RIPOR2: variants seen among roughly 807,000 people sequenced by gnomAD.
The protein encoded by RIPOR2 is rho family-interacting cell polarization regulator 2.
A neutral mutation model predicts 114.5 loss-of-function variants in RIPOR2; 39 were observed. The ratio of observed to expected loss-of-function variants is 0.34; its 90% CI spans 0.26 to 0.44. RIPOR2 has a LOEUF of 0.44. Among genes scored for constraint, RIPOR2 ranks in the 20% least tolerant of loss-of-function variants. The probability of loss-of-function intolerance (pLI) is 1.00; values close to 1 mark genes in which losing one functional copy is unlikely to be tolerated. For synonymous variants in RIPOR2, 445 were observed against 484.4 expected (o/e 0.92, Z 1.07); for missense variants, 1,007 against 1,255.1 (o/e 0.80, Z 2.99).
At chr6:25,018,771 C>T (rs1019161042) in intron 1 of RIPOR2, among the ~76,000 whole-genome samples, 8 of 152,126 alleles carry the variant, frequency 5.3e-5, no homozygotes, top group Non-Finnish European at 1.0e-4. Context: ...TCCTGAAGCA[C>T]GTGCCTAGCT....
chr6:24,846,409 TG>T (rs1288328157), intron 12 of RIPOR2, among the ~76,000 whole-genome samples: 1 of 149,654 alleles, frequency 6.7e-6, no homozygotes, highest in Non-Finnish European at 1.5e-5. Flanking sequence ...TGGGCTTCAG[TG>T]ATCTCCTGCT....
intron 1 of RIPOR2, among the ~76,000 whole-genome samples, chr6:24,962,491 A>G (rs1773350141): frequency 6.6e-6 from 1 of 152,208 alleles, no homozygotes; most frequent in Non-Finnish European, 1.5e-5. Context: ...AAAAGACACT[A>G]CTATGAGAAG....
chr6:24,868,011 T>C (rs1164263427), intron 6 of RIPOR2, among the ~76,000 whole-genome samples: 1 of 152,220 alleles, frequency 6.6e-6, no homozygotes, highest in Non-Finnish European at 1.5e-5. Flanking sequence ...TAAACAATAA[T>C]ATGTCAAAGC....
intron 13 of RIPOR2, among the ~76,000 whole-genome samples, chr6:24,842,413 G>A (rs564842386): frequency 9.2e-5 from 14 of 152,282 alleles, no homozygotes; most frequent in Admixed American, 5.2e-4. Flanking sequence ...TGGACCAATT[G>A]TGAGAGCAGG....
chr6:24,869,038 T>C, intron 6 of RIPOR2, 56 bp downstream of exon 6: 1 of 1,016,282 alleles, frequency 9.8e-7, no homozygotes, highest in Non-Finnish European at 1.5e-6. Context: ...CCCAAAGGTG[T>C]ATTTGATTAG....
rs765514585 is a variant in RIPOR2 at position 24,848,118 on chromosome 6, G to A, written c.1071C>T (p.Gly357=). 1.3e-5 allele frequency: 21 copies of A among 1,613,726 alleles called. No individual in the cohort carries two copies. The highest frequency in any genetic ancestry group is 8.3e-5 in the Admixed American group (5 of 59,982). Residue 357 remains glycine (G), a synonymous_variant, in exon 12 of 22, where the codon GGC becomes GGT. Transcript: ENST00000643898. ...FDVEDMTASS[G]AGNKAAALQR... ...GAAGGGCTGCTGCCTTGTTCCCAGCGCCTGAGGATGCGGTCATGTCCTCCA... is the reference window on the plus strand; with the variant it reads ...GAAGGGCTGCTGCCTTGTTCCCAGCACCTGAGGATGCGGTCATGTCCTCCA...
intron 1 of RIPOR2, among the ~76,000 whole-genome samples, chr6:24,966,763 C>T (rs941477190): frequency 3.9e-5 from 6 of 152,170 alleles, no homozygotes; most frequent in Admixed American, 3.9e-4. Context: ...AGAATAAGGA[C>T]AGGTGATGAG....
At chr6:25,006,788 G>C (rs1431603661) in intron 1 of RIPOR2, among the ~76,000 whole-genome samples, 1 of 152,242 alleles carries the variant, frequency 6.6e-6, no homozygotes, top group Non-Finnish European at 1.5e-5. Context: ...GCCAAATATA[G>C]CACAGCTATA....
intron 1 of RIPOR2, among the ~76,000 whole-genome samples, chr6:24,995,896 G>A (rs948720895): frequency 4.0e-5 from 6 of 149,122 alleles, no homozygotes; most frequent in Non-Finnish European, 7.4e-5. Flanking sequence ...TCCGCCTCCC[G>A]GGTTCATGCC....
intron 11 of RIPOR2, among the ~76,000 whole-genome samples, chr6:24,848,420 T>A (rs772471422): frequency 6.6e-6 from 1 of 152,200 alleles, no homozygotes; most frequent in Non-Finnish European, 1.5e-5. Context: ...GATACACCCG[T>A]TCCTCATTAA....
At chr6:25,016,049 A>G (rs1382530419) in intron 1 of RIPOR2, among the ~76,000 whole-genome samples, 1 of 151,524 alleles carries the variant, frequency 6.6e-6, no homozygotes, top group Non-Finnish European at 1.5e-5. Context: ...GACTACAGGC[A>G]GGCGCCATCA....
At position 24,804,565 on chromosome 6, in the gene RIPOR2, C is replaced by T. The variant is rs12215154; in HGVS notation, c.*1808G>A. Reference sequence around the variant, plus strand: ...CTATACCTCCTAACTACAGACTGTACAATGTACCTTTAAAGTGAAGGATGT... The same window carrying T: ...CTATACCTCCTAACTACAGACTGTATAATGTACCTTTAAAGTGAAGGATGT... On this transcript the variant is annotated 3_prime_UTR_variant, in exon 22 of 22. Transcript: ENST00000643898. The T allele has an allele frequency of 6.6e-6, 1 of 152,026 alleles. No individual in the cohort carries two copies. Among genetic ancestry groups the T allele is most frequent in the African/African-American group, 2.4e-5 (1 of 41,360 alleles). The allele number at this position is 152,026 out of a possible 1,614,324, so 9.4% of individuals were successfully genotyped here. A position where few individuals can be genotyped will look rare whatever the true frequency, so the allele number is the denominator to read the frequency against.
chr6:24,975,813 T>C (rs1042726468), intron 1 of RIPOR2, among the ~76,000 whole-genome samples: 2 of 152,126 alleles, frequency 1.3e-5, no homozygotes, highest in African/African-American at 2.4e-5. Flanking sequence ...TATTGAAACA[T>C]CACTTTGTAC....
intron 11 of RIPOR2, among the ~76,000 whole-genome samples, chr6:24,849,001 T>C (rs1317137157): frequency 6.6e-6 from 1 of 152,214 alleles, no homozygotes; most frequent in Non-Finnish European, 1.5e-5. Flanking sequence ...GCCTCCCGGA[T>C]TCAAGTGATT....
At chr6:24,924,790 C>T (rs573830325) in intron 1 of RIPOR2, among the ~76,000 whole-genome samples, 95 of 152,138 alleles carry the variant, frequency 6.2e-4, no homozygotes, top group Non-Finnish European at 1.1e-3. Flanking sequence ...TCTCAATGAC[C>T]TTAAGATTTG....
intron 1 of RIPOR2, among the ~76,000 whole-genome samples, chr6:24,960,374 C>T (rs1169782769): frequency 6.6e-6 from 1 of 152,146 alleles, no homozygotes; most frequent in Non-Finnish European, 1.5e-5. Context: ...ATGGAAGGGC[C>T]TAGGCTAATT....
rs554186153 is a variant in RIPOR2 at position 24,891,526 on chromosome 6, G to A, written c.62-15709C>T. ...GACAGTAACGAGATAAAAAAAAAAGGCCACCTAATTCTTATCTTTAAGTAC... is the reference window on the plus strand; with the variant it reads ...GACAGTAACGAGATAAAAAAAAAAGACCACCTAATTCTTATCTTTAAGTAC... On this transcript the variant is annotated intron_variant, in intron 1 of 21. Transcript: ENST00000643898. Among the ~76,000 whole-genome samples, 6 of 151,848 alleles carry A rather than the reference G, an allele frequency of 4.0e-5. No homozygotes were observed. The South Asian group carries it at 6.2e-4, about 16-fold the overall frequency.
chr6:24,920,861 A>C (rs1170368936), intron 1 of RIPOR2, among the ~76,000 whole-genome samples: 1 of 152,190 alleles, frequency 6.6e-6, no homozygotes, highest in Non-Finnish European at 1.5e-5. Flanking sequence ...AAAGCCCTGG[A>C]ATCATCCTTG....
At chr6:24,927,641 G>A (rs1014849001) in intron 1 of RIPOR2, among the ~76,000 whole-genome samples, 7 of 129,688 alleles carry the variant, frequency 5.4e-5, no homozygotes, top group African/African-American at 8.8e-5. Flanking sequence ...AACCACTACC[G>A]CCACCACCAC....
Sources: allele counts gnomAD v4.1 joint callset (sites outside exome capture counted in the v4.1 genomes callset), GRCh38; gene constraint gnomAD v4.1.1; transcripts MANE v1.5; gene names NCBI Gene and HGNC (gene_info 2026-07-23, HGNC 2026-07-21).